RADIL: variants seen among roughly 807,000 people sequenced by gnomAD.
The protein encoded by RADIL is ras-associating and dilute domain-containing protein.
RADIL carries 99 observed loss-of-function variants against 97.6 expected under a neutral mutation model. The ratio of observed to expected loss-of-function variants is 1.01; its 90% CI spans 0.86 to 1.20. The LOEUF (loss-of-function observed/expected upper bound fraction) is 1.20. Ranked by LOEUF, RADIL falls within the 50% of genes most tolerant of loss-of-function variation. RADIL has a pLI of 0.00. For missense variants in RADIL, 1,765 were observed against 1,498.9 expected, an observed-to-expected ratio of 1.18 and a Z score of -2.93; for synonymous variants, 803 against 691.8, an observed-to-expected ratio of 1.16 and a Z score of -2.52.
chr7:4,834,328 G>A lies in RADIL; in HGVS notation c.1416+279C>T, dbSNP rs932721798. On this transcript the variant is annotated intron_variant, in intron 4 of 14. Transcript: ENST00000399583. The surrounding 1 kb of genome is among the most constrained non-coding windows in gnomAD (Gnocchi z 6.0). ...GCTGGGCCCAGCTGGACCCCAGGGA[G>A]GGTACAAGCCCAGAGCTCAGGAGGT... Among the ~76,000 whole-genome samples, 4 of 152,144 alleles carry A rather than the reference G, an allele frequency of 2.6e-5. No individual in the cohort carries two copies. The highest frequency in any genetic ancestry group is 5.9e-5 in the Non-Finnish European group (4 of 68,020).
rs1262667107 is a variant in RADIL, at chr7:4,834,404, G to C, written c.1416+203C>G. On this transcript the variant is annotated intron_variant, in intron 4 of 14. Coordinates refer to ENST00000399583, the MANE Select transcript of RADIL (RefSeq NM_018059.5). The surrounding 1 kb of genome is among the most constrained non-coding windows in gnomAD (Gnocchi z 6.0). ...CCCTCAGGGGCAAAGGGCTGCAGCT[G>C]ACACCTTGGGTTCTGGGGCTGCTTC... Among the ~76,000 whole-genome samples, 1 of 152,188 alleles carries C rather than the reference G, an allele frequency of 6.6e-6. No individual in the cohort carries two copies. The highest frequency in any genetic ancestry group is 1.5e-5 in the Non-Finnish European group (1 of 68,028).
chr7:4,825,294 T>C lies in RADIL; in HGVS notation c.1455-2740A>G, dbSNP rs569739799. Among the ~76,000 whole-genome samples the C allele has an allele frequency of 2.0e-5, 3 of 152,200 alleles. No individual in the cohort carries two copies. In the South Asian group the frequency reaches 6.2e-4, roughly 32 times the overall value. On this transcript the variant is annotated intron_variant, in intron 5 of 14. Transcript: ENST00000399583. ...GGCTGGTCAAGGCGCGGGTATCTCC[T>C]GCGGGTGGAGGGAAGCACTGGAGTC...
rs150680054 is a variant in RADIL, at chr7:4,839,962, T to C, written c.536-3357A>G. 4.4e-3 allele frequency among the ~76,000 whole-genome samples: 666 copies of C among 152,326 alleles called. 6 individuals are homozygous for C. Among genetic ancestry groups the C allele is most frequent in the African/African-American group, 0.015 (623 of 41,574 alleles). On this transcript the variant is annotated intron_variant, in intron 2 of 14. Transcript: ENST00000399583. ...CAGGGTTTCACCGTCTTGGACAGGC[T>C]GGTCTCGAACTCCTGACCTCAAGTG...
At position 4,822,282 on chromosome 7, in the gene RADIL, A is replaced by G; in HGVS notation, c.1615+112T>C. ...CCTAGGGACTGAGGAAGCCCCCGGCATGAATCCACCCCTGCTATCATGGCC... is the reference window on the plus strand; with the variant it reads ...CCTAGGGACTGAGGAAGCCCCCGGCGTGAATCCACCCCTGCTATCATGGCC... On this transcript the variant is annotated intron_variant, in intron 6 of 14. Transcript: ENST00000399583. This position sits in a 1 kb window ranked among gnomAD's most constrained non-coding sequence, Gnocchi z 5.3. 7.7e-7 allele frequency: 1 copy of G among 1,306,936 alleles called. No individual in the cohort carries two copies. Among genetic ancestry groups the G allele is most frequent in the Non-Finnish European group, 1.0e-6 (1 of 974,692 alleles). 81.0% of individuals were successfully genotyped at this position (1,306,936 alleles called of 1,614,324 possible).
rs879217 is a variant in RADIL at position 4,821,204 on chromosome 7, A to G, written c.1615+1190T>C. Among the ~76,000 whole-genome samples, 42,311 of 152,136 alleles carry G rather than the reference A, an allele frequency of 0.28. 7,434 individuals carry two copies. Among genetic ancestry groups the G allele is most frequent in the African/African-American group, 0.49 (20,387 of 41,478 alleles). On this transcript the variant is annotated intron_variant, in intron 6 of 14. Transcript: ENST00000399583. This position sits in a 1 kb window ranked among gnomAD's most constrained non-coding sequence, Gnocchi z 5.2. Reference sequence around the variant, plus strand: ...TCCCTACCCGGATCCTCCAGAAGCCAGACCGCCACGCCACGGCCACTCAGG... The same window carrying G: ...TCCCTACCCGGATCCTCCAGAAGCCGGACCGCCACGCCACGGCCACTCAGG...
chr7:4,882,005 G>GT (rs1784498102), intron 1 of RADIL: 1 of 151,866 alleles, frequency 6.6e-6, no homozygotes, highest in African/African-American at 2.4e-5. Context: ...CAGAGGCAGA[G>GT]TTAGCAGTAT....
chr7:4,874,449 A>C (rs917364880), intron 2 of RADIL, among the ~76,000 whole-genome samples: 6 of 152,346 alleles, frequency 3.9e-5, no homozygotes, highest in African/African-American at 1.2e-4. Context: ...GCATGTGTGC[A>C]TGCCTCTACC....
rs1043776528 is a variant in RADIL at position 4,818,151 on chromosome 7, T to G, written c.1616-800A>C. On this transcript the variant is annotated intron_variant, in intron 6 of 14. Coordinates refer to ENST00000399583, the MANE Select transcript of RADIL (RefSeq NM_018059.5). This position sits in a 1 kb window ranked among gnomAD's most constrained non-coding sequence, Gnocchi z 7.1. ...CACAGCTCCCCTCCTCTCCCTCCTG[T>G]GGGGCCTTCTTCCAGGAGGGGCAGA... Among the ~76,000 whole-genome samples, 2 of 151,862 alleles carry G rather than the reference T, an allele frequency of 1.3e-5. No homozygotes were observed. The highest frequency in any genetic ancestry group is 4.9e-5 in the African/African-American group (2 of 41,182).
Position 4,799,362 on chromosome 7 carries a change from T to TGTCCTCGCAGCCCCCCTAGAGAGGGGGC in RADIL, c.3216_*15dup. On this transcript the variant is annotated 3_prime_UTR_variant, in exon 15 of 15. Coordinates refer to ENST00000399583, the MANE Select transcript of RADIL (RefSeq NM_018059.5). Reference sequence around the variant, plus strand: ...GGACCGGGTGCCGGGCCTGTGGGGGTGTCCTCGCAGCCCCCCTAGAGAGGG... The same window carrying TGTCCTCGCAGCCCCCCTAGAGAGGGGGC: ...GGACCGGGTGCCGGGCCTGTGGGGGTGTCCTCGCAGCCCCCCTAGAGAGGGGGCGTCCTCGCAGCCCCCCTAGAGAGGG... 1 of 1,611,040 alleles carries TGTCCTCGCAGCCCCCCTAGAGAGGGGGC rather than the reference T, an allele frequency of 6.2e-7. No individual in the cohort carries two copies. Among genetic ancestry groups the TGTCCTCGCAGCCCCCCTAGAGAGGGGGC allele is most frequent in the East Asian group, 2.2e-5 (1 of 44,808 alleles).
chr7:4,805,999 G>A (rs965728110), intron 9 of RADIL: 12 of 985,344 alleles, frequency 1.2e-5, no homozygotes, highest in Admixed American at 1.2e-4. Flanking sequence ...ACAGGCGGCC[G>A]CCAACCAGAG....
intron 2 of RADIL, among the ~76,000 whole-genome samples, chr7:4,866,123 TGTGTGCGTGTGC>T (rs1320884856): frequency 6.6e-6 from 1 of 152,154 alleles, no homozygotes; most frequent in African/African-American, 2.4e-5. Context: ...TATATCTGTG[TGTGTGCGTGTGC>T]ATGTGCGTGT....
chr7:4,799,652 G>C lies in RADIL; in HGVS notation c.3100C>G (p.Leu1034Val). 6.2e-7 allele frequency: 1 copy of C among 1,602,200 alleles called. No individual in the cohort carries two copies. The highest frequency in any genetic ancestry group is 8.5e-7 in the Non-Finnish European group (1 of 1,175,410). ...DRILEVNGSS[L>V]LGLGYLRAVD... ...TACCTCAGGTAGCCAAGGCCCAGGA[G>C]GCTGCTGCCATTCACCTCCAGGATA... The change falls in exon 14 of 15, where the codon CTC becomes GTC. Residue 1034 changes from leucine (L) to valine (V), a missense_variant. By Grantham distance (32) the Leu-to-Val change is conservative. Coordinates refer to ENST00000399583, the MANE Select transcript of RADIL (RefSeq NM_018059.5).
In RADIL at chr7:4,805,615, C is replaced by T. The variant is rs199698495; in HGVS notation, c.2241G>A (p.Met747Ile). The T allele has an allele frequency of 6.2e-6, 10 of 1,611,648 alleles. No homozygotes were observed. The highest frequency in any genetic ancestry group is 6.8e-6 in the Non-Finnish European group (8 of 1,179,814). The part of the protein sequence containing the change: ...HYQLASAMGP[M>I]STWEPGAQDS... ...CCTGGGCCCCTGGCTCCCAGGTGCT[C>T]ATGGGGCCCATGGCCGAGGCCAGCT... Residue 747 changes from methionine to isoleucine, a missense_variant, in exon 10 of 15, where the codon ATG becomes ATA. By Grantham distance (10) the Met-to-Ile change is conservative. Coordinates refer to ENST00000399583, the MANE Select transcript of RADIL (RefSeq NM_018059.5).
chr7:4,807,839 C>T (rs548333520), intron 9 of RADIL, among the ~76,000 whole-genome samples: 2 of 52,094 alleles, frequency 3.8e-5, no homozygotes, highest in South Asian at 9.2e-4. Flanking sequence ...CTTCTCTCTC[C>T]CTCTCTCTCT....
chr7:4,881,788 G>C (rs1033139857), intron 1 of RADIL, among the ~76,000 whole-genome samples: 6 of 151,244 alleles, frequency 4.0e-5, no homozygotes, highest in African/African-American at 1.5e-4. Flanking sequence ...AAAGTGAGTT[G>C]ATATTTGGGG....
At chr7:4,847,864 C>T (rs867677097) in intron 2 of RADIL, among the ~76,000 whole-genome samples, 1 of 151,352 alleles carries the variant, frequency 6.6e-6, no homozygotes, top group Admixed American at 6.6e-5. Flanking sequence ...GGGGTGGGAC[C>T]GGCTGACTGC....
At position 4,878,334 on chromosome 7, in the gene RADIL, G is replaced by C; in HGVS notation, c.-64-131C>G. On this transcript the variant is annotated intron_variant, in intron 1 of 14. Transcript: ENST00000399583. This position sits in a 1 kb window ranked among gnomAD's most constrained non-coding sequence, Gnocchi z 4.1. ...CAAGGTGGGAGGACGGCTTGAGCCCGGGAGTTCCAGACCAGCCTGGGAAAC... is the reference window on the plus strand; with the variant it reads ...CAAGGTGGGAGGACGGCTTGAGCCCCGGAGTTCCAGACCAGCCTGGGAAAC... 6.4e-6 allele frequency: 4 copies of C among 627,696 alleles called. No homozygotes were observed. The South Asian group carries it at 8.3e-5, about 13-fold the overall frequency. The allele number at this position is 627,696 out of a possible 1,614,324, so 38.9% of individuals were successfully genotyped here.
At chr7:4,799,858 G>A (rs866423104) in intron 13 of RADIL, 89 bp from the exon 14 acceptor site, 29 of 1,429,516 alleles carry the variant, frequency 2.0e-5, no homozygotes, top group Middle Eastern at 2.6e-4. Context: ...GGCACCTACA[G>A]GCCCCCGCCT....
rs773747258 is a variant in RADIL at position 4,819,072 on chromosome 7, CTTTTT to C, written c.1616-1726_1616-1722del. Among the ~76,000 whole-genome samples the C allele has an allele frequency of 1.5e-5, 2 of 133,344 alleles. No homozygotes were observed. Among genetic ancestry groups the C allele is most frequent in the Non-Finnish European group, 3.2e-5 (2 of 62,872 alleles). The allele number at this position is 133,344 out of a possible 152,430, so 87.5% of individuals were successfully genotyped here. ...ACTCCATTTCTCTCTCTCTCTCTCT[CTTTTT>C]TTTTTTTTTTTAAAGACAGAGTCTC... On this transcript the variant is annotated intron_variant, in intron 6 of 14. Coordinates refer to ENST00000399583, the MANE Select transcript of RADIL (RefSeq NM_018059.5). This position sits in a 1 kb window ranked among gnomAD's most constrained non-coding sequence, Gnocchi z 5.8.
Sources: allele counts gnomAD v4.1 joint callset (sites outside exome capture counted in the v4.1 genomes callset), GRCh38; gene constraint gnomAD v4.1.1; non-coding constraint Gnocchi (gnomAD v3.1); transcripts MANE v1.5; gene names NCBI Gene and HGNC (gene_info 2026-07-23, HGNC 2026-07-21).